DMD: variants seen among roughly 807,000 people sequenced by gnomAD.
DMD encodes mutant dystrophin.
A neutral mutation model predicts 330.1 loss-of-function variants in DMD; 63 were observed. That is an observed-to-expected ratio of 0.19 (90% confidence interval 0.16 to 0.24). The LOEUF (loss-of-function observed/expected upper bound fraction) is 0.24. Among genes scored for constraint, DMD ranks in the 10% least tolerant of loss-of-function variants. DMD has a pLI of 1.00. For missense variants in DMD, 3,344 were observed against 2,684.1 expected (o/e 1.25, Z -5.43); for synonymous variants, 1,223 against 959.8 (o/e 1.27, Z -5.07).
At chrX:33,272,913 T>A (rs992489059) in intron 1 of DMD, among the ~76,000 whole-genome samples, 8 of 110,743 alleles carry the variant, frequency 7.2e-5, no homozygotes, top group Admixed American at 9.7e-5. Context: ...TAAAATAATT[T>A]AAAAAAAAAC....
chrX:31,219,831 T>TACACACACACACACAC (rs1346357736), intron 64 of DMD, among the ~76,000 whole-genome samples: 7 of 11,697 alleles, frequency 6.0e-4, no homozygotes, highest in Non-Finnish European at 9.1e-4. Context: ...AGGATCAATG[T>TACACACACACACACAC]ATACACACAC....
chrX:31,717,079 C>G, intron 52 of DMD, among the ~76,000 whole-genome samples: 1 of 111,098 alleles, frequency 9.0e-6, no homozygotes, highest in Non-Finnish European at 1.9e-5. Context: ...CAATATCTAC[C>G]ATAGGGACTG....
chrX:32,697,750 C>T, intron 9 of DMD, 120 bp downstream of exon 9: 1 of 1,023,357 alleles, frequency 9.8e-7, no homozygotes, highest in African/African-American at 1.9e-5. Context: ...CTTGGAAAAA[C>T]AAACCAGCTC....
intron 67 of DMD, among the ~76,000 whole-genome samples, chrX:31,188,918 C>A (rs1230954412): frequency 2.7e-5 from 3 of 111,748 alleles, no homozygotes; most frequent in African/African-American, 9.8e-5. Context: ...TCTGGAATTT[C>A]TAGCAAACCG....
At chrX:32,981,911 G>T (rs1279195679) in intron 2 of DMD, among the ~76,000 whole-genome samples, 1 of 111,405 alleles carries the variant, frequency 9.0e-6, no homozygotes. Flanking sequence ...GTTCTCAGGT[G>T]CCAACACAAC....
intron 44 of DMD, among the ~76,000 whole-genome samples, chrX:32,212,090 T>G (rs771405525): frequency 5.4e-5 from 6 of 112,078 alleles, no homozygotes; most frequent in Non-Finnish European, 9.4e-5. Flanking sequence ...TCACTTTCCT[T>G]CATGGTGTTC....
intron 42 of DMD, among the ~76,000 whole-genome samples, chrX:32,305,642 C>A (rs1365162850): frequency 9.0e-6 from 1 of 111,435 alleles, no homozygotes; most frequent in Non-Finnish European, 1.9e-5. Context: ...AACCCAGAAG[C>A]CAGTGTGATC....
At chrX:32,830,398 G>A (rs1432895371) in intron 4 of DMD, among the ~76,000 whole-genome samples, 1 of 110,926 alleles carries the variant, frequency 9.0e-6, no homozygotes, top group Non-Finnish European at 1.9e-5. Flanking sequence ...TTTAAAATCT[G>A]TGTGAAGTGA....
chrX:33,010,198 G>GCATATGTGTGTATATATGTA (rs1569549257), intron 2 of DMD, among the ~76,000 whole-genome samples: 20 of 96,922 alleles, frequency 2.1e-4, no homozygotes, highest in Non-Finnish European at 4.1e-4. Context: ...ATGTATATAT[G>GCATATGTGTGTATATATGTA]CATATGTGTG....
chrX:32,731,696 A>G (rs2067684086), intron 7 of DMD, among the ~76,000 whole-genome samples: 2 of 111,998 alleles, frequency 1.8e-5, no homozygotes, highest in Admixed American at 9.5e-5. Context: ...CCTGCAGCTG[A>G]GGGTCCTGTC....
intron 51 of DMD, among the ~76,000 whole-genome samples, chrX:31,765,868 C>T (rs1216936973): frequency 9.0e-6 from 1 of 110,802 alleles, no homozygotes; most frequent in African/African-American, 3.3e-5. Context: ...CTCTAGAGTG[C>T]TTTGTAACAT....
chrX:32,158,462 T>C (rs1345678552), intron 44 of DMD, among the ~76,000 whole-genome samples: 3 of 112,009 alleles, frequency 2.7e-5, no homozygotes, highest in Admixed American at 9.4e-5. Context: ...GTTTAATTCA[T>C]TGGACCTGCG....
At chrX:32,185,033 G>A (rs1485911997) in intron 44 of DMD, among the ~76,000 whole-genome samples, 2 of 110,233 alleles carry the variant, frequency 1.8e-5, no homozygotes, top group Non-Finnish European at 3.8e-5. Context: ...AATATAAACT[G>A]GCACATCAGA....
chrX:31,354,767 T>C lies in DMD; in HGVS notation c.9085-6133A>G, dbSNP rs930747474. On this transcript the variant is annotated intron_variant, in intron 60 of 78. Coordinates refer to ENST00000357033, the MANE Select transcript of DMD (RefSeq NM_004006.3). ...ATTGTCCACAAAGACAGAGATCTTA[T>C]CTGTCTTGTTAAGAATTTATCACAA... 4.5e-5 allele frequency among the ~76,000 whole-genome samples: 5 copies of C among 112,232 alleles called. No homozygotes were observed. In the Admixed American group the frequency reaches 4.7e-4, roughly 11 times the overall value.
intron 52 of DMD, among the ~76,000 whole-genome samples, chrX:31,704,379 A>C (rs981192103): frequency 9.0e-6 from 1 of 111,455 alleles, no homozygotes; most frequent in African/African-American, 3.3e-5. Context: ...TTGGTGAAAC[A>C]TATGGCTACG....
chrX:32,778,990 T>C (rs2074442754), intron 7 of DMD, among the ~76,000 whole-genome samples: 1 of 111,822 alleles, frequency 8.9e-6, no homozygotes, highest in Non-Finnish European at 1.9e-5. Context: ...AGTCGTATCA[T>C]ATTGAGTATC....
At chrX:32,729,016 G>C (rs1308668532) in intron 7 of DMD, among the ~76,000 whole-genome samples, 1 of 112,095 alleles carries the variant, frequency 8.9e-6, no homozygotes, top group South Asian at 3.7e-4. Flanking sequence ...GAAGTCAGCA[G>C]ATACTTTTTT....
chrX:31,479,956 C>A (rs1350917959), intron 57 of DMD, among the ~76,000 whole-genome samples: 1 of 111,936 alleles, frequency 8.9e-6, no homozygotes, highest in South Asian at 3.7e-4. Flanking sequence ...CTAACGGATA[C>A]TCTGACACCA....
intron 55 of DMD, among the ~76,000 whole-genome samples, chrX:31,554,276 AC>A (rs1215747176): frequency 4.5e-5 from 5 of 111,364 alleles, no homozygotes; most frequent in South Asian, 3.7e-4. Context: ...AAGATTAAAA[AC>A]AATGATATCT....
Sources: gnomAD v4.1 joint callset for allele counts (sites outside exome capture counted in the v4.1 genomes callset) on GRCh38, gnomAD v4.1.1 for gene constraint, MANE v1.5 for transcripts, NCBI Gene and HGNC (gene_info 2026-07-23, HGNC 2026-07-21) for gene names.